LVRN: variants seen among roughly 807,000 people sequenced by gnomAD.
LVRN encodes the protein aminopeptidase Q.
A neutral mutation model predicts 111.4 loss-of-function variants in LVRN; 99 were observed. The ratio of observed to expected loss-of-function variants is 0.89; its 90% CI spans 0.76 to 1.05. The LOEUF (loss-of-function observed/expected upper bound fraction) is 1.05. LVRN is among the 50% of genes least tolerant of loss of function. The pLI is 0.00. For missense variants in LVRN, 1,414 were observed against 1,206.8 expected (o/e 1.17, Z -2.54); for synonymous variants, 488 against 449.5 (o/e 1.09, Z -1.08).
chr5:116,000,393 T>C (rs753511626), intron 7 of LVRN, 40 bp from the exon 8 acceptor site: 1 of 1,598,994 alleles, frequency 6.3e-7, no homozygotes. Context: ...ATGTGGATAT[T>C]GAATTTTGTT....
intron 10 of LVRN, among the ~76,000 whole-genome samples, chr5:116,001,752 C>A (rs540394678): frequency 1.3e-5 from 2 of 152,232 alleles, no homozygotes; most frequent in African/African-American, 4.8e-5. Flanking sequence ...GAATTAAGGC[C>A]TTTAGATTCA....
At chr5:115,980,998 A>G (rs189675134) in intron 1 of LVRN, among the ~76,000 whole-genome samples, 1 of 152,126 alleles carries the variant, frequency 6.6e-6, no homozygotes, top group African/African-American at 2.4e-5. Context: ...TAGAAAATTT[A>G]AGTGGTATAT....
At chr5:116,001,958 A>G (rs1032050840) in intron 10 of LVRN, among the ~76,000 whole-genome samples, 1 of 152,230 alleles carries the variant, frequency 6.6e-6, no homozygotes, top group African/African-American at 2.4e-5. Context: ...TTAATCTATT[A>G]GCTGATTTTC....
At chr5:115,981,377 G>C (rs1753555967) in intron 1 of LVRN, among the ~76,000 whole-genome samples, 1 of 152,014 alleles carries the variant, frequency 6.6e-6, no homozygotes, top group African/African-American at 2.4e-5. Context: ...AATTTACCAG[G>C]GCGACGAATA....
At chr5:115,981,134 T>C (rs557619422) in intron 1 of LVRN, among the ~76,000 whole-genome samples, 1 of 152,280 alleles carries the variant, frequency 6.6e-6, no homozygotes, top group African/African-American at 2.4e-5. Context: ...TTCTCTACTT[T>C]GTCCAATCCC....
At chr5:115,992,532 T>A (rs1748019782) in intron 5 of LVRN, among the ~76,000 whole-genome samples, 1 of 152,158 alleles carries the variant, frequency 6.6e-6, no homozygotes. Flanking sequence ...TTAAGTTTGC[T>A]CCACAAAGTC....
intron 1 of LVRN, among the ~76,000 whole-genome samples, chr5:115,968,652 T>C (rs1753254589): frequency 6.6e-6 from 1 of 152,112 alleles, no homozygotes; most frequent in Non-Finnish European, 1.5e-5. Flanking sequence ...GGACAGTCCT[T>C]CTAATGCAGG....
Position 116,025,986 on chromosome 5 carries a change from G to T in LVRN, c.2841G>T (p.Gln947His). 1 of 1,613,736 alleles carries T rather than the reference G, an allele frequency of 6.2e-7. No homozygotes were observed. Among genetic ancestry groups the T allele is most frequent in the Non-Finnish European group, 8.5e-7 (1 of 1,179,806 alleles). Residue 947 changes from glutamine (Q) to histidine (H), a missense_variant, in exon 20 of 20, where the codon CAG (glutamine) becomes CAT (histidine). By Grantham distance (24) the Gln-to-His change is conservative (BLOSUM62 0). Coordinates refer to ENST00000357872, the MANE Select transcript of LVRN (RefSeq NM_173800.5). The stretch of plus-strand genomic sequence containing the variant: ...TCTCTCTGTCCTTCCAGCTGCAGCA[G>T]TTTTTCAGTAACATGTTGGAGGAAC... ...TTDLQIVELQ[Q>H]FFSNMLEEHQ...
chr5:115,970,592 G>A (rs1200795617), intron 1 of LVRN, among the ~76,000 whole-genome samples: 1 of 151,870 alleles, frequency 6.6e-6, no homozygotes, highest in South Asian at 2.1e-4. Context: ...TCACCATGTT[G>A]GCCGAGATGG....
chr5:115,987,939 G>T lies in LVRN; in HGVS notation c.1105G>T (p.Asp369Tyr). ...FNISYSLPKT[D>Y]IIALPSFDNH... ...TATCAGTTACTCTCTTCCAAAAACAGGTGAGGTAATCTTTTCCTTTCAGTG... is the reference window on the plus strand; with the variant it reads ...TATCAGTTACTCTCTTCCAAAAACATGTGAGGTAATCTTTTCCTTTCAGTG... The change falls in exon 4 of 20, where the codon GAT becomes TAT. Residue 369 changes from aspartate to tyrosine, a missense_variant and splice_region_variant. Asp to Tyr is a radical substitution (Grantham distance 160). Transcript: ENST00000357872. 6.2e-7 allele frequency: 1 copy of T among 1,609,086 alleles called. No individual in the cohort carries two copies. The highest frequency in any genetic ancestry group is 8.5e-7 in the Non-Finnish European group (1 of 1,178,422).
At chr5:115,984,462 G>C in intron 2 of LVRN, 108 bp from the exon 3 acceptor site, 2 of 1,328,154 alleles carry the variant, frequency 1.5e-6, no homozygotes, top group Admixed American at 2.1e-5. Context: ...TAGACTATGA[G>C]GAATAGCTGG....
At chr5:116,002,301 A>C (rs1167136196) in intron 10 of LVRN, among the ~76,000 whole-genome samples, 2 of 152,236 alleles carry the variant, frequency 1.3e-5, no homozygotes, top group Non-Finnish European at 2.9e-5. Flanking sequence ...TCCTGTGATC[A>C]GCTACTTCAT....
chr5:116,019,087 T>C (rs368857763), intron 18 of LVRN, among the ~76,000 whole-genome samples: 23 of 152,318 alleles, frequency 1.5e-4, no homozygotes, highest in African/African-American at 5.3e-4. Context: ...ACCTAGATGG[T>C]AGAGCCTACT....
chr5:116,006,084 A>C (rs1261389181), intron 13 of LVRN, 117 bp downstream of exon 13: 1 of 758,584 alleles, frequency 1.3e-6, no homozygotes, highest in African/African-American at 1.8e-5. Context: ...ACTGATTAAG[A>C]TTAGGATGAA....
chr5:115,998,026 A>G (rs185316186), intron 6 of LVRN, among the ~76,000 whole-genome samples: 20 of 152,292 alleles, frequency 1.3e-4, no homozygotes, highest in Admixed American at 7.9e-4. Context: ...GTTAGGGGAG[A>G]CTCACAAAAT....
intron 2 of LVRN, 129 bp from the exon 3 acceptor site, chr5:115,984,441 A>G (rs2112573086): frequency 1.7e-6 from 2 of 1,161,572 alleles, no homozygotes; most frequent in East Asian, 5.1e-5. Flanking sequence ...AGGTGGAGAA[A>G]TCTGAACTGC....
chr5:115,976,510 C>G (rs1053958598), intron 1 of LVRN, among the ~76,000 whole-genome samples: 1 of 152,056 alleles, frequency 6.6e-6, no homozygotes, highest in Non-Finnish European at 1.5e-5. Flanking sequence ...TTTTTCTATA[C>G]TATGGTTGAC....
At chr5:115,983,811 T>C (rs1403565377) in intron 2 of LVRN, among the ~76,000 whole-genome samples, 5 of 152,192 alleles carry the variant, frequency 3.3e-5, no homozygotes, top group Non-Finnish European at 7.4e-5. Context: ...AACTTAAAAA[T>C]ATCCAGAGAT....
At chr5:116,002,733 A>T (rs1167020442) in intron 10 of LVRN, 102 bp from the exon 11 acceptor site, 1 of 819,454 alleles carries the variant, frequency 1.2e-6, no homozygotes, top group African/African-American at 1.8e-5. Flanking sequence ...TGACCAAAGA[A>T]ACTGAGTTCT....
Sources: gnomAD v4.1 joint callset for allele counts (sites outside exome capture counted in the v4.1 genomes callset) on GRCh38, gnomAD v4.1.1 for gene constraint, MANE v1.5 for transcripts, NCBI Gene and HGNC (gene_info 2026-07-23, HGNC 2026-07-21) for gene names.